FBXO38: variants seen among roughly 807,000 people sequenced by gnomAD.
The protein encoded by FBXO38 is F-box only protein 38.
Under a neutral mutation model 131.9 loss-of-function variants are expected in FBXO38, and 53 were observed. The ratio of observed to expected loss-of-function variants is 0.40; its 90% CI spans 0.32 to 0.51. FBXO38 has a LOEUF of 0.51. Among genes scored for constraint, FBXO38 ranks in the 20% least tolerant of loss-of-function variants. FBXO38 has a pLI of 0.53. For synonymous variants in FBXO38, 452 were observed against 505.6 expected (o/e 0.89, Z 1.42); for missense variants, 1,076 against 1,475.6 (o/e 0.73, Z 4.44).
At chr5:148,430,959 A>T (rs2113640969) in intron 15 of FBXO38, among the ~76,000 whole-genome samples, 1 of 152,308 alleles carries the variant, frequency 6.6e-6, no homozygotes, top group African/African-American at 2.4e-5. Flanking sequence ...TTTCCCTGAC[A>T]CCCCAAGACT....
At chr5:148,432,182 A>C (rs757819874) in intron 15 of FBXO38, among the ~76,000 whole-genome samples, 13 of 152,234 alleles carry the variant, frequency 8.5e-5, no homozygotes, top group African/African-American at 1.4e-4. Flanking sequence ...TTAATTCATG[A>C]AAGTCAGTTG....
intron 15 of FBXO38, among the ~76,000 whole-genome samples, chr5:148,428,510 T>C (rs1208962217): frequency 1.3e-5 from 2 of 152,242 alleles, no homozygotes; most frequent in Non-Finnish European, 2.9e-5. Flanking sequence ...CATATATGTG[T>C]ATTTAATTTC....
At chr5:148,439,886 A>C in intron 19 of FBXO38, 94 bp downstream of exon 19, 4 of 1,266,180 alleles carry the variant, frequency 3.2e-6, no homozygotes, top group Non-Finnish European at 4.4e-6. Context: ...ATTTTAAATG[A>C]TTCCATCTAA....
chr5:148,401,866 T>G (rs1226468137), intron 3 of FBXO38, 116 bp from the exon 4 acceptor site: 1 of 936,508 alleles, frequency 1.1e-6, no homozygotes, highest in Non-Finnish European at 1.6e-6. Flanking sequence ...TAGTGTTAGC[T>G]TTACGGAAAT....
At chr5:148,417,623 T>TAA (rs1342747550) in intron 12 of FBXO38, among the ~76,000 whole-genome samples, 1 of 152,174 alleles carries the variant, frequency 6.6e-6, no homozygotes, top group Non-Finnish European at 1.5e-5. Context: ...ATTGGCACCT[T>TAA]TCATGTACCT....
chr5:148,399,880 T>G (rs1049451132), intron 3 of FBXO38, among the ~76,000 whole-genome samples: 9 of 151,838 alleles, frequency 5.9e-5, no homozygotes, highest in African/African-American at 2.2e-4. Context: ...GTCCAGATTA[T>G]GAGACTTCGA....
chr5:148,435,946 GAC>G (rs916833208), intron 17 of FBXO38, among the ~76,000 whole-genome samples: 1 of 152,118 alleles, frequency 6.6e-6, no homozygotes, highest in African/African-American at 2.4e-5. Flanking sequence ...GAGCAGTCAG[GAC>G]ACACACAACA....
Position 148,442,224 on chromosome 5 carries a change from C to A in FBXO38, c.*77C>A. The A allele has an allele frequency of 7.1e-7, 1 of 1,410,230 alleles. No individual in the cohort carries two copies. 87.4% of individuals were successfully genotyped at this position (1,410,230 alleles called of 1,614,324 possible). On this transcript the variant is annotated 3_prime_UTR_variant, in exon 22 of 22. Transcript: ENST00000340253. ...CAGCTGCCAGAGTGCTCCACAGGGA[C>A]TTGAGGCATGCAGTTGGGAGGTCCT...
At chr5:148,418,678 A>G (rs1344614081) in intron 12 of FBXO38, among the ~76,000 whole-genome samples, 101 of 152,330 alleles carry the variant, frequency 6.6e-4, no homozygotes, top group Admixed American at 6.5e-3. Context: ...TTCAGAGGAC[A>G]TGGACTGTAC....
At chr5:148,421,607 C>T (rs904957427) in intron 12 of FBXO38, among the ~76,000 whole-genome samples, 3 of 138,634 alleles carry the variant, frequency 2.2e-5, no homozygotes, top group Non-Finnish European at 4.8e-5. Context: ...ATATTTGATT[C>T]TAAGTTAGCA....
At chr5:148,438,185 T>A in intron 17 of FBXO38, 147 bp from the exon 18 acceptor site, 1 of 627,298 alleles carries the variant, frequency 1.6e-6, no homozygotes, top group Non-Finnish European at 2.5e-6. Context: ...CATTTTCAAA[T>A]TTTTTTGTTA....
chr5:148,399,275 T>C, intron 3 of FBXO38, 143 bp downstream of exon 3: 4 of 914,968 alleles, frequency 4.4e-6, no homozygotes, highest in Non-Finnish European at 6.4e-6. Flanking sequence ...ATTATTTATG[T>C]TGGGTTTTAG....
intron 3 of FBXO38, among the ~76,000 whole-genome samples, chr5:148,399,792 T>A (rs1752038072): frequency 6.6e-6 from 1 of 152,140 alleles, no homozygotes; most frequent in African/African-American, 2.4e-5. Context: ...TTAACGCCAA[T>A]CCATTAATTG....
chr5:148,396,374 T>G (rs1030466971), intron 2 of FBXO38, among the ~76,000 whole-genome samples: 9 of 152,136 alleles, frequency 5.9e-5, no homozygotes, highest in Non-Finnish European at 1.0e-4. Context: ...CAAATACATG[T>G]GGAGATCTAG....
At chr5:148,384,077 G>C (rs188298286) in intron 1 of FBXO38, 38 bp downstream of exon 1, 3 of 153,272 alleles carry the variant, frequency 2.0e-5, no homozygotes, top group Non-Finnish European at 4.4e-5. Flanking sequence ...GACCGGGAGC[G>C]GGGTGGCAAA....
At chr5:148,410,433 G>C in intron 8 of FBXO38, 1 of 583,464 alleles carries the variant, frequency 1.7e-6, no homozygotes, top group Non-Finnish European at 2.9e-6. Context: ...GATGTGACTT[G>C]CTCCTTTTTG....
chr5:148,400,148 C>T (rs1182153142), intron 3 of FBXO38, among the ~76,000 whole-genome samples: 1 of 151,996 alleles, frequency 6.6e-6, no homozygotes, highest in Non-Finnish European at 1.5e-5. Context: ...ACACCTGAGG[C>T]TGGAGCTTAT....
chr5:148,432,163 AGTG>A (rs1210710953), intron 15 of FBXO38, among the ~76,000 whole-genome samples: 1 of 152,224 alleles, frequency 6.6e-6, no homozygotes, highest in Non-Finnish European at 1.5e-5. Flanking sequence ...AAAGCAGTAT[AGTG>A]GTGATTTAAT....
At chr5:148,392,799 T>C (rs1758271017) in intron 1 of FBXO38, among the ~76,000 whole-genome samples, 1 of 151,998 alleles carries the variant, frequency 6.6e-6, no homozygotes, top group Non-Finnish European at 1.5e-5. Context: ...TGTCCCATAA[T>C]ACAAATGGGT....
Sources: allele counts gnomAD v4.1 joint callset (sites outside exome capture counted in the v4.1 genomes callset), GRCh38; gene constraint gnomAD v4.1.1; transcripts MANE v1.5; gene names NCBI Gene and HGNC (gene_info 2026-07-23, HGNC 2026-07-21).